PRSS12: variants seen among roughly 807,000 people sequenced by gnomAD.
The protein encoded by PRSS12 is serine protease 12, also known as neurotrypsin.
Under a neutral mutation model 104.4 loss-of-function variants are expected in PRSS12, and 85 were observed. That is an observed-to-expected ratio of 0.81 (90% CI 0.68 to 0.98). PRSS12 has a LOEUF of 0.98. Ranked by LOEUF, PRSS12 falls within the 50% of genes least tolerant of loss-of-function variation. The probability of loss-of-function intolerance (pLI) is 0.00; values close to 1 mark genes in which losing one functional copy is unlikely to be tolerated. For missense variants in PRSS12, 1,141 were observed against 1,139.2 expected, an observed-to-expected ratio of 1.00 and a Z score of -0.02; for synonymous variants, 454 against 425.2, an observed-to-expected ratio of 1.07 and a Z score of -0.83.
chr4:118,316,270 C>T lies in PRSS12; in HGVS notation c.1204G>A (p.Val402Ile), dbSNP rs781570921. 1 of 1,614,106 alleles carries T rather than the reference C, an allele frequency of 6.2e-7. No individual in the cohort carries two copies. Among genetic ancestry groups the T allele is most frequent in the Non-Finnish European group, 8.5e-7 (1 of 1,180,014 alleles). The part of the protein sequence containing the change: ...GKGSHEGRLE[V>I]YYRGQWGTVC... ...GTTCCCCACTGGCCTCTGTAATATA[C>T]CTCCAAGCGACCCTCATGGCTGCCT... Residue 402 changes from valine to isoleucine, a missense_variant, in exon 6 of 13, where the codon GTA (valine) becomes ATA (isoleucine). Val to Ile is a conservative substitution (Grantham distance 29). Transcript: ENST00000296498.
intron 4 of PRSS12, among the ~76,000 whole-genome samples, chr4:118,321,027 C>A (rs1303941357): frequency 6.6e-6 from 1 of 152,140 alleles, no homozygotes; most frequent in Non-Finnish European, 1.5e-5. Context: ...GGACTCTGAG[C>A]AATCTGCCCC....
At chr4:118,339,290 G>A (rs774880231) in intron 1 of PRSS12, among the ~76,000 whole-genome samples, 5 of 151,890 alleles carry the variant, frequency 3.3e-5, no homozygotes, top group South Asian at 2.1e-4. Flanking sequence ...GCCTTTCACA[G>A]GTAAGAAAAT....
chr4:118,337,658 A>G (rs987356263), intron 2 of PRSS12, among the ~76,000 whole-genome samples: 1 of 152,134 alleles, frequency 6.6e-6, no homozygotes, highest in African/African-American at 2.4e-5. Flanking sequence ...TTCCCCATCA[A>G]GGACAAGGGC....
chr4:118,323,299 C>T (rs1723680963), intron 4 of PRSS12, among the ~76,000 whole-genome samples: 1 of 151,706 alleles, frequency 6.6e-6, no homozygotes, highest in South Asian at 2.1e-4. Context: ...GAGATAAATG[C>T]CACCAAAAAA....
chr4:118,288,300 T>C (rs1472047689), intron 11 of PRSS12, among the ~76,000 whole-genome samples: 1 of 152,214 alleles, frequency 6.6e-6, no homozygotes, highest in Non-Finnish European at 1.5e-5. Context: ...AAATACTATG[T>C]GTACTACAGA....
At position 118,318,519 on chromosome 4, in the gene PRSS12, C is replaced by T; in HGVS notation, c.1009G>A (p.Glu337Lys). The part of the protein sequence containing the change: ...AKAWHQAYFG[E>K]GSGPVMLDEV... ...TCCAACATAACTGGGCCAGACCCTT[C>T]CCCAAAATATGCCTGATGCCATGCT... Residue 337 changes from glutamate to lysine, a missense_variant, in exon 5 of 13, where the codon GAA becomes AAA. Glu to Lys is a moderately conservative substitution (Grantham distance 56, BLOSUM62 1). Transcript: ENST00000296498. 1 of 1,614,100 alleles carries T rather than the reference C, an allele frequency of 6.2e-7. No homozygotes were observed. The highest frequency in any genetic ancestry group is 8.5e-7 in the Non-Finnish European group (1 of 1,180,012).
intron 4 of PRSS12, among the ~76,000 whole-genome samples, chr4:118,324,601 T>C (rs1366124603): frequency 6.6e-6 from 1 of 152,082 alleles, no homozygotes; most frequent in Admixed American, 6.5e-5. Flanking sequence ...TAAAGGAGAT[T>C]ACAAGATAAG....
intron 2 of PRSS12, among the ~76,000 whole-genome samples, 160 bp from the exon 3 acceptor site, chr4:118,335,811 G>A (rs1724050764): frequency 6.6e-6 from 1 of 152,170 alleles, no homozygotes; most frequent in African/African-American, 2.4e-5. Context: ...CAGTTTCAAG[G>A]AAATCAAAAC....
chr4:118,352,551 C>G lies in PRSS12; in HGVS notation c.170G>C (p.Arg57Pro), dbSNP rs773209191. The G allele has an allele frequency of 5.3e-6, 8 of 1,517,582 alleles. No individual in the cohort carries two copies. Among genetic ancestry groups the G allele is most frequent in the Non-Finnish European group, 8.8e-7 (1 of 1,130,392 alleles). 94.0% of individuals were successfully genotyped at this position (1,517,582 alleles called of 1,614,324 possible). Residue 57 changes from arginine (R) to proline (P), a missense_variant, in exon 1 of 13, where the codon CGT becomes CCT. By Grantham distance (103) the Arg-to-Pro change is moderately radical. Coordinates refer to ENST00000296498, the MANE Select transcript of PRSS12 (RefSeq NM_003619.4). The part of the protein sequence containing the change: ...LPTQQRPPRT[R>P]PPPPLPRFPR... The stretch of plus-strand genomic sequence containing the variant: ...GAAGCGCGGGAGAGGCGGCGGCGGA[C>G]GCGTCCTCGGGGGCCGCTGCTGGGT...
chr4:118,303,408 C>T (rs1743450025), intron 8 of PRSS12: 1 of 151,984 alleles, frequency 6.6e-6, no homozygotes, highest in African/African-American at 2.4e-5. Flanking sequence ...AAAAAAGCAC[C>T]ATTTTAGATA....
chr4:118,293,070 A>T (rs1035503610), intron 11 of PRSS12, among the ~76,000 whole-genome samples: 1 of 151,662 alleles, frequency 6.6e-6, no homozygotes, highest in Non-Finnish European at 1.5e-5. Context: ...TATCTGCAGC[A>T]CCTTGAATGT....
At chr4:118,329,380 A>G (rs938507328) in intron 4 of PRSS12, among the ~76,000 whole-genome samples, 22 of 152,236 alleles carry the variant, frequency 1.4e-4, no homozygotes, top group African/African-American at 5.3e-4. Flanking sequence ...AACTGATAAT[A>G]TTAAAAATGC....
chr4:118,312,760 G>A (rs557286589), intron 7 of PRSS12, among the ~76,000 whole-genome samples: 7 of 151,876 alleles, frequency 4.6e-5, no homozygotes, highest in African/African-American at 1.4e-4. Flanking sequence ...GGTGACCAAC[G>A]AACGACAAGG....
chr4:118,345,304 T>G (rs906215054), intron 1 of PRSS12, among the ~76,000 whole-genome samples: 5 of 152,152 alleles, frequency 3.3e-5, no homozygotes, highest in Non-Finnish European at 5.9e-5. Flanking sequence ...AATAATTTTT[T>G]TATTAATATT....
At chr4:118,350,599 G>A (rs1289194623) in intron 1 of PRSS12, among the ~76,000 whole-genome samples, 1 of 152,146 alleles carries the variant, frequency 6.6e-6, no homozygotes, top group African/African-American at 2.4e-5. Context: ...CTATTATGCA[G>A]TATTTGGGAT....
At chr4:118,335,720 T>G in intron 2 of PRSS12, 69 bp from the exon 3 acceptor site, 1 of 1,447,492 alleles carries the variant, frequency 6.9e-7, no homozygotes, top group Non-Finnish European at 9.7e-7. Context: ...ACATTTGGAT[T>G]TGAAAAAAAA....
intron 8 of PRSS12, 121 bp from the exon 9 acceptor site, chr4:118,299,059 C>A (rs1476870614): frequency 1.8e-6 from 2 of 1,133,910 alleles, no homozygotes; most frequent in Non-Finnish European, 2.6e-6. Context: ...TCTGCATGTG[C>A]TAAAAACCAT....
intron 1 of PRSS12, among the ~76,000 whole-genome samples, chr4:118,347,077 T>TA (rs556055223): frequency 0.023 from 3,249 of 144,186 alleles, 106 homozygotes; most frequent in African/African-American, 0.076. Flanking sequence ...TTGTCTTCTC[T>TA]AAAAAAAAAA....
chr4:118,290,973 C>T (rs937543072), intron 11 of PRSS12, among the ~76,000 whole-genome samples: 12 of 151,936 alleles, frequency 7.9e-5, no homozygotes, highest in African/African-American at 2.9e-4. Flanking sequence ...GTAACACAGA[C>T]CAATTTGCCA....
Sources: allele counts gnomAD v4.1 joint callset (sites outside exome capture counted in the v4.1 genomes callset), GRCh38; gene constraint gnomAD v4.1.1; transcripts MANE v1.5; gene names NCBI Gene and HGNC (gene_info 2026-07-23, HGNC 2026-07-21).